TXLNB: variants seen among roughly 807,000 people sequenced by gnomAD.
The protein encoded by TXLNB is beta-taxilin.
A neutral mutation model predicts 57.4 loss-of-function variants in TXLNB; 37 were observed. The ratio of observed to expected loss-of-function variants is 0.64; its 90% CI spans 0.50 to 0.85. The LOEUF is 0.85. Among genes scored for constraint, TXLNB ranks in the 40% least tolerant of loss-of-function variants. The pLI is 0.00. For synonymous variants in TXLNB, 302 were observed against 309.6 expected (o/e 0.98, Z 0.26); for missense variants, 848 against 825.6 (o/e 1.03, Z -0.33).
At chr6:139,165,280 G>A in the TXLNB span, among the ~76,000 whole-genome samples, 1 of 152,228 alleles carries the variant, frequency 6.6e-6, no homozygotes, top group African/African-American at 2.4e-5. Context: ...TTTTAGAGCA[G>A]ATTTAAGTTC....
At chr6:139,245,744 G>T (rs1413791045) in intron 8 of TXLNB, among the ~76,000 whole-genome samples, 2 of 152,204 alleles carry the variant, frequency 1.3e-5, no homozygotes, top group Non-Finnish European at 2.9e-5. Flanking sequence ...CCAGGCTGGA[G>T]TGCAATGGCG....
At chr6:139,160,645 C>T in the TXLNB span, among the ~76,000 whole-genome samples, 3 of 152,274 alleles carry the variant, frequency 2.0e-5, no homozygotes, top group Middle Eastern at 3.4e-3. Flanking sequence ...TAACTCCTGG[C>T]CGCAAGTGAT....
chr6:139,235,782 C>T (rs895277517), downstream of TXLNB, among the ~76,000 whole-genome samples: 15 of 152,196 alleles, frequency 9.9e-5, no homozygotes, highest in African/African-American at 2.6e-4. Flanking sequence ...CATCCGGGCC[C>T]GCCACGCCCC....
chr6:139,283,594 AT>A (rs1229686299), intron 2 of TXLNB, among the ~76,000 whole-genome samples: 7 of 143,360 alleles, frequency 4.9e-5, no homozygotes, highest in Non-Finnish European at 9.2e-5. Context: ...AAAAAAAAAA[AT>A]GTCTCTCATA....
At chr6:139,268,251 T>C (rs1023385926) in intron 4 of TXLNB, among the ~76,000 whole-genome samples, 2 of 150,962 alleles carry the variant, frequency 1.3e-5, no homozygotes, top group Non-Finnish European at 1.5e-5. Flanking sequence ...TATATACACC[T>C]AATATTAATG....
At chr6:139,281,039 G>A (rs929065792) in intron 2 of TXLNB, among the ~76,000 whole-genome samples, 1 of 151,872 alleles carries the variant, frequency 6.6e-6, no homozygotes, top group Non-Finnish European at 1.5e-5. Context: ...AACTAGTTGA[G>A]TGATTTATTT....
chr6:139,200,290 C>T, the TXLNB span, among the ~76,000 whole-genome samples: 1 of 152,096 alleles, frequency 6.6e-6, no homozygotes, highest in Non-Finnish European at 1.5e-5. Flanking sequence ...CCTAATAATA[C>T]CATTGCATGT....
the TXLNB span, chr6:139,203,715 C>T: frequency 4.6e-5 from 7 of 152,166 alleles, no homozygotes; most frequent in Admixed American, 6.5e-5. Flanking sequence ...AGTGTTTCCC[C>T]TCTTCATCAT....
downstream of TXLNB, chr6:139,239,938 C>T (rs915649348): frequency 1.3e-5 from 2 of 151,508 alleles, no homozygotes; most frequent in Non-Finnish European, 2.9e-5. The surrounding 1 kb of genome is among the most constrained non-coding windows in gnomAD (Gnocchi z 4.7). Context: ...TATTTAGTGA[C>T]CAAAAACTTA....
At chr6:139,203,325 AG>A in the TXLNB span, among the ~76,000 whole-genome samples, 1 of 152,154 alleles carries the variant, frequency 6.6e-6, no homozygotes, top group African/African-American at 2.4e-5. Context: ...CCTAATTCAA[AG>A]AATTGTCTGG....
Position 139,270,956 on chromosome 6 carries a change from T to C in TXLNB, c.517-330A>G, listed in dbSNP as rs546465930. On this transcript the variant is annotated intron_variant, in intron 3 of 9. Transcript: ENST00000358430. ...AAATAGAAAGGCATGTCTCAGAATC[T>C]GTAAACTGCCAGAGTTCATGACGAT... is the stretch of plus-strand genomic sequence containing the variant. Among the ~76,000 whole-genome samples the C allele has an allele frequency of 2.6e-5, 4 of 152,352 alleles. No individual in the cohort carries two copies. In the South Asian group the frequency reaches 8.3e-4, roughly 32 times the overall value.
chr6:139,164,016 G>C, the TXLNB span, among the ~76,000 whole-genome samples: 1 of 151,764 alleles, frequency 6.6e-6, no homozygotes, highest in Non-Finnish European at 1.5e-5. Context: ...CTGTCCTGCT[G>C]TTCCCACATT....
At chr6:139,174,465 C>T in the TXLNB span, 2 of 1,613,906 alleles carry the variant, frequency 1.2e-6, no homozygotes, top group Non-Finnish European at 1.7e-6. Flanking sequence ...GTGTAAGTCA[C>T]GGTGGGATGG....
the TXLNB span, among the ~76,000 whole-genome samples, chr6:139,161,648 T>G: frequency 1.1e-3 from 173 of 152,368 alleles, no homozygotes; most frequent in African/African-American, 4.1e-3. Flanking sequence ...TTCTTTAGTG[T>G]GAAAATACTT....
the TXLNB span, among the ~76,000 whole-genome samples, chr6:139,305,052 T>C: frequency 1.3e-5 from 2 of 152,204 alleles, no homozygotes; most frequent in Admixed American, 1.3e-4. Flanking sequence ...ATATGAAATA[T>C]AACTAAATAG....
chr6:139,195,660 C>T, the TXLNB span, among the ~76,000 whole-genome samples: 7 of 152,240 alleles, frequency 4.6e-5, no homozygotes, highest in East Asian at 1.4e-3. Flanking sequence ...AGTTAAACCA[C>T]AAAACTGAAG....
At chr6:139,217,703 C>T in the TXLNB span, among the ~76,000 whole-genome samples, 3 of 151,534 alleles carry the variant, frequency 2.0e-5, no homozygotes, top group African/African-American at 7.3e-5. Context: ...CCTGTTTCTA[C>T]TAAAAAATAC....
At chr6:139,200,461 C>T in the TXLNB span, among the ~76,000 whole-genome samples, 1 of 152,150 alleles carries the variant, frequency 6.6e-6, no homozygotes, top group Non-Finnish European at 1.5e-5. Flanking sequence ...AGGACCCTGT[C>T]TAGCACACCA....
intron 3 of TXLNB, among the ~76,000 whole-genome samples, chr6:139,276,151 C>T (rs1311252966): frequency 6.6e-6 from 1 of 152,188 alleles, no homozygotes; most frequent in East Asian, 1.9e-4. Context: ...AGTTCATCCA[C>T]TCCTATAGTA....
Sources: allele counts gnomAD v4.1 joint callset (sites outside exome capture counted in the v4.1 genomes callset), GRCh38; gene constraint gnomAD v4.1.1; non-coding constraint Gnocchi (gnomAD v3.1); transcripts MANE v1.5; gene names NCBI Gene and HGNC (gene_info 2026-07-23, HGNC 2026-07-21).